ZFAND6: variants seen among roughly 807,000 people sequenced by gnomAD.
ZFAND6 encodes zinc finger AN1-type containing 6.
Under a neutral mutation model 24.5 loss-of-function variants are expected in ZFAND6, and 12 were observed. The ratio of observed to expected loss-of-function variants is 0.49; its 90% CI spans 0.31 to 0.79. ZFAND6 has a LOEUF of 0.79. Among genes scored for constraint, ZFAND6 ranks in the 30% least tolerant of loss-of-function variants. ZFAND6 has a pLI of 0.04. For missense variants in ZFAND6, 207 were observed against 245.9 expected (o/e 0.84, Z 1.06); for synonymous variants, 92 against 81.5 (o/e 1.13, Z -0.69).
intron 1 of ZFAND6, among the ~76,000 whole-genome samples, chr15:80,079,477 C>G (rs2037510745): frequency 6.6e-6 from 1 of 151,912 alleles, no homozygotes; most frequent in Non-Finnish European, 1.5e-5. Flanking sequence ...ACCTCGGCCT[C>G]CCAAAGTGCT....
At chr15:80,116,771 A>G (rs922821606) in intron 2 of ZFAND6, among the ~76,000 whole-genome samples, 3 of 152,132 alleles carry the variant, frequency 2.0e-5, no homozygotes, top group East Asian at 1.9e-4. Flanking sequence ...CATTATTTAT[A>G]TATTTATTTA....
chr15:80,115,691 CT>C lies in ZFAND6; in HGVS notation c.-17-4625del, dbSNP rs561963751. On this transcript the variant is annotated intron_variant, in intron 2 of 6. Coordinates refer to ENST00000261749, the MANE Select transcript of ZFAND6 (RefSeq NM_019006.4). Reference sequence around the variant, plus strand: ...TAACGATTAATAAATAAGACTGATTCTTTTTTTTTTTTAAGAATCCTGTGAG... The same window carrying C: ...TAACGATTAATAAATAAGACTGATTCTTTTTTTTTTTAAGAATCCTGTGAG... Among the ~76,000 whole-genome samples the C allele has an allele frequency of 7.3e-4, 105 of 144,172 alleles. 1 individual carries two copies. Among genetic ancestry groups the C allele is most frequent in the Non-Finnish European group, 6.4e-4 (42 of 65,216 alleles). 94.6% of individuals were successfully genotyped at this position (144,172 alleles called of 152,430 possible).
chr15:80,135,028 G>A (rs1179538841), intron 6 of ZFAND6, among the ~76,000 whole-genome samples: 1 of 152,170 alleles, frequency 6.6e-6, no homozygotes, highest in Admixed American at 6.5e-5. Context: ...GTTACACCAA[G>A]TATGCCTGCC....
At chr15:80,130,913 TAGAA>T (rs1228625303) in intron 5 of ZFAND6, 15 of 354,316 alleles carry the variant, frequency 4.2e-5, no homozygotes, top group Non-Finnish European at 7.6e-5. Flanking sequence ...CTAGAAAAAT[TAGAA>T]AGTACAGTTA....
At chr15:80,084,688 A>G (rs1235565309) in intron 1 of ZFAND6, among the ~76,000 whole-genome samples, 1 of 152,236 alleles carries the variant, frequency 6.6e-6, no homozygotes, top group East Asian at 1.9e-4. Context: ...TTCCTGAGCT[A>G]TGTTGAATTT....
chr15:80,109,512 A>G (rs1319707616), intron 2 of ZFAND6, among the ~76,000 whole-genome samples: 2 of 152,208 alleles, frequency 1.3e-5, no homozygotes, highest in East Asian at 1.9e-4. Flanking sequence ...AAGGAATAGC[A>G]AGTACAAAGG....
At chr15:80,118,616 G>C (rs780180231) in intron 2 of ZFAND6, among the ~76,000 whole-genome samples, 16 of 152,170 alleles carry the variant, frequency 1.1e-4, no homozygotes, top group South Asian at 4.1e-4. Flanking sequence ...GAAGAAAGAG[G>C]GTTCTAAAGT....
At chr15:80,063,871 A>G (rs1249913114) in intron 1 of ZFAND6, among the ~76,000 whole-genome samples, 1 of 152,094 alleles carries the variant, frequency 6.6e-6, no homozygotes, top group Non-Finnish European at 1.5e-5. Context: ...TGTTTTTAGT[A>G]GAGACCGCGT....
chr15:80,096,801 T>C (rs1052937440), intron 1 of ZFAND6, among the ~76,000 whole-genome samples: 1 of 152,084 alleles, frequency 6.6e-6, no homozygotes, highest in Non-Finnish European at 1.5e-5. Flanking sequence ...CCAGTGTACA[T>C]ATAGGGGAAA....
chr15:80,068,529 G>T (rs1284293153), intron 1 of ZFAND6, among the ~76,000 whole-genome samples: 1 of 151,992 alleles, frequency 6.6e-6, no homozygotes, highest in East Asian at 1.9e-4. Flanking sequence ...GTGCCACCAC[G>T]CCTGGCTAAT....
chr15:80,113,607 G>A (rs2039719052), intron 2 of ZFAND6, among the ~76,000 whole-genome samples: 1 of 152,132 alleles, frequency 6.6e-6, no homozygotes, highest in Non-Finnish European at 1.5e-5. Context: ...ATATTGCAGT[G>A]TGAAACATTC....
At chr15:80,131,637 A>G (rs758676085) in intron 6 of ZFAND6, 1 of 310,588 alleles carries the variant, frequency 3.2e-6, no homozygotes, top group South Asian at 1.1e-4. Context: ...TTCTATATAT[A>G]AAATAGGGCT....
intron 4 of ZFAND6, among the ~76,000 whole-genome samples, chr15:80,122,118 G>C (rs1172773526): frequency 6.6e-6 from 1 of 151,862 alleles, no homozygotes; most frequent in African/African-American, 2.4e-5. Context: ...GTCTTATTCT[G>C]CAAGTATTAC....
intron 3 of ZFAND6, among the ~76,000 whole-genome samples, chr15:80,121,509 G>A (rs923217973): frequency 3.9e-5 from 6 of 152,068 alleles, no homozygotes; most frequent in African/African-American, 1.4e-4. Context: ...ATTTGCAGAT[G>A]GTTTCCTTCT....
At chr15:80,129,687 C>G (rs2040512537) in intron 5 of ZFAND6, 1 of 152,130 alleles carries the variant, frequency 6.6e-6, no homozygotes. Context: ...TCAAAGAATT[C>G]AAAGTTAAAC....
intron 5 of ZFAND6, among the ~76,000 whole-genome samples, chr15:80,124,546 CAT>C (rs1371553389): frequency 6.6e-6 from 1 of 152,212 alleles, no homozygotes; most frequent in Non-Finnish European, 1.5e-5. Context: ...GGTGAACTAT[CAT>C]AACACATAGG....
intron 1 of ZFAND6, among the ~76,000 whole-genome samples, chr15:80,073,912 A>G (rs1330376886): frequency 6.6e-6 from 1 of 151,894 alleles, no homozygotes; most frequent in East Asian, 1.9e-4. Context: ...CGTTGAACAC[A>G]CCTGTGTGTA....
At chr15:80,118,989 C>T (rs1402548206) in intron 2 of ZFAND6, among the ~76,000 whole-genome samples, 3 of 152,212 alleles carry the variant, frequency 2.0e-5, no homozygotes, top group Admixed American at 6.5e-5. Context: ...TGGTTAGTCT[C>T]ATTCTTCATG....
At chr15:80,069,997 C>G (rs2036882904) in intron 1 of ZFAND6, among the ~76,000 whole-genome samples, 1 of 152,094 alleles carries the variant, frequency 6.6e-6, no homozygotes, top group African/African-American at 2.4e-5. Context: ...TCAGGGTGGT[C>G]TTTTTATCAA....
Sources: allele counts gnomAD v4.1 joint callset (sites outside exome capture counted in the v4.1 genomes callset), GRCh38; gene constraint gnomAD v4.1.1; transcripts MANE v1.5; gene names NCBI Gene and HGNC (gene_info 2026-07-23, HGNC 2026-07-21).